Variants in FRMD3 observed in about 807,000 individuals in gnomAD.
FRMD3 encodes the protein FERM domain containing 3.
Under a neutral mutation model 70.2 loss-of-function variants are expected in FRMD3, and 33 were observed. That is an observed-to-expected ratio of 0.47 (90% CI 0.36 to 0.63). The LOEUF is 0.63. Ranked by LOEUF, FRMD3 falls within the 20% of genes least tolerant of loss-of-function variation. The pLI is 0.00. For synonymous variants in FRMD3, 279 were observed against 255.9 expected (o/e 1.09, Z -0.86); for missense variants, 632 against 711.4 (o/e 0.89, Z 1.27).
At chr9:83,452,848 C>CTTTTTT (rs11346596) in intron 1 of FRMD3, among the ~76,000 whole-genome samples, 6 of 72,362 alleles carry the variant, frequency 8.3e-5, no homozygotes, top group Admixed American at 1.9e-4. Flanking sequence ...TTTTTATTGC[C>CTTTTTT]TTTTTTTTTT....
intron 1 of FRMD3, among the ~76,000 whole-genome samples, chr9:83,505,058 A>G (rs1035411083): frequency 6.6e-6 from 1 of 152,090 alleles, no homozygotes; most frequent in African/African-American, 2.4e-5. Flanking sequence ...ATGTTCATGC[A>G]TTTACTCTGT....
chr9:83,363,223 GTTC>G (rs1293986846), intron 3 of FRMD3, among the ~76,000 whole-genome samples: 4 of 152,002 alleles, frequency 2.6e-5, no homozygotes, highest in Non-Finnish European at 4.4e-5. Flanking sequence ...CATCTTTCCA[GTTC>G]TTCTTCTACA....
chr9:83,471,109 G>T (rs1481155950), intron 1 of FRMD3, among the ~76,000 whole-genome samples: 1 of 152,176 alleles, frequency 6.6e-6, no homozygotes, highest in Non-Finnish European at 1.5e-5. Context: ...TCTGCCTCTA[G>T]ACAGGTGAGA....
At chr9:83,432,296 C>T (rs919118150) in intron 1 of FRMD3, among the ~76,000 whole-genome samples, 3 of 152,200 alleles carry the variant, frequency 2.0e-5, no homozygotes, top group Admixed American at 1.3e-4. Context: ...TCTGGCCTTG[C>T]CACTGAGCCA....
intron 1 of FRMD3, among the ~76,000 whole-genome samples, chr9:83,457,292 T>A (rs1306102412): frequency 1.3e-5 from 2 of 152,160 alleles, no homozygotes; most frequent in Non-Finnish European, 2.9e-5. Flanking sequence ...ACACTATAGA[T>A]GAGTGGCTGA....
chr9:83,293,069 G>A (rs74749721), intron 12 of FRMD3, among the ~76,000 whole-genome samples: 2,765 of 152,298 alleles, frequency 0.018, 79 homozygotes, highest in African/African-American at 0.063. Flanking sequence ...TGAGGAGAGA[G>A]CCAGGAGTGA....
the FRMD3 span, among the ~76,000 whole-genome samples, chr9:83,551,865 G>A: frequency 5.3e-5 from 8 of 149,882 alleles, no homozygotes; most frequent in Non-Finnish European, 1.2e-4. Context: ...TCTTCTCTTC[G>A]CTTCTTAATT....
intron 3 of FRMD3, among the ~76,000 whole-genome samples, chr9:83,359,212 A>C (rs1381519726): frequency 6.6e-6 from 1 of 152,122 alleles, no homozygotes; most frequent in Non-Finnish European, 1.5e-5. Context: ...AGGCATGCCC[A>C]CCCACACTCG....
At chr9:83,283,777 C>T (rs1235177401) in intron 13 of FRMD3, among the ~76,000 whole-genome samples, 5 of 151,978 alleles carry the variant, frequency 3.3e-5, no homozygotes, top group Admixed American at 6.6e-5. Flanking sequence ...GTGTGCAATG[C>T]GAAAATGATG....
rs764217826 is a variant in FRMD3, at chr9:83,497,294, T to C, written c.147+40791A>G. ...TAACTTTTTTATTTATGAGCACCTG[T>C]GCCCAAAAGATCTCAAGGTAAATTA... is the stretch of plus-strand genomic sequence containing the variant. On this transcript the variant is annotated intron_variant, in intron 1 of 13. Coordinates refer to ENST00000304195, the MANE Select transcript of FRMD3 (RefSeq NM_174938.6). 9.3e-4 allele frequency among the ~76,000 whole-genome samples: 142 copies of C among 152,300 alleles called. 4 individuals carry two copies. The Middle Eastern group carries it at 0.02, about 22-fold the overall frequency.
At chr9:83,517,494 CAA>C (rs59178344) in intron 1 of FRMD3, among the ~76,000 whole-genome samples, 1,173 of 65,674 alleles carry the variant, frequency 0.018, 11 homozygotes, top group African/African-American at 0.062. Context: ...CCTACCAATC[CAA>C]AAAAAAAAAA....
At chr9:83,346,735 C>T (rs1054055384) in intron 4 of FRMD3, among the ~76,000 whole-genome samples, 1 of 152,164 alleles carries the variant, frequency 6.6e-6, no homozygotes, top group Non-Finnish European at 1.5e-5. Context: ...ATTTGGCATG[C>T]TTCAGAATTA....
intron 2 of FRMD3, among the ~76,000 whole-genome samples, chr9:83,388,457 T>C (rs1825572756): frequency 6.6e-6 from 1 of 152,172 alleles, no homozygotes; most frequent in East Asian, 1.9e-4. Context: ...GACCCAAGTG[T>C]GTACTGAGCC....
the FRMD3 span, among the ~76,000 whole-genome samples, chr9:83,562,897 C>A: frequency 2.1e-4 from 32 of 151,748 alleles, no homozygotes; most frequent in Non-Finnish European, 3.8e-4. Context: ...CAATGCCCCC[C>A]CCCCAGCACA....
chr9:83,556,511 ATTAAT>A, the FRMD3 span, among the ~76,000 whole-genome samples: 5 of 152,148 alleles, frequency 3.3e-5, no homozygotes, highest in Non-Finnish European at 7.4e-5. Flanking sequence ...TTCTTTCCTA[ATTAAT>A]TTGCTCTTTT....
At chr9:83,385,151 A>G (rs1825475605) in intron 2 of FRMD3, among the ~76,000 whole-genome samples, 1 of 151,558 alleles carries the variant, frequency 6.6e-6, no homozygotes, top group Non-Finnish European at 1.5e-5. Context: ...TTACCCAAAT[A>G]CCTGAGCAGA....
chr9:83,516,251 TC>T (rs1564113058), intron 1 of FRMD3, among the ~76,000 whole-genome samples: 1 of 147,258 alleles, frequency 6.8e-6, no homozygotes, highest in Non-Finnish European at 1.5e-5. Context: ...ACACATAGGC[TC>T]AAAATAAAGG....
At chr9:83,377,596 T>C (rs1239690252) in intron 2 of FRMD3, among the ~76,000 whole-genome samples, 1 of 152,078 alleles carries the variant, frequency 6.6e-6, no homozygotes, top group African/African-American at 2.4e-5. Flanking sequence ...CAAGATCTGG[T>C]CATGTAAAAG....
At chr9:83,542,833 A>G (rs1468350707), upstream of FRMD3, among the ~76,000 whole-genome samples, 1 of 150,948 alleles carries the variant, frequency 6.6e-6, no homozygotes, top group Non-Finnish European at 1.5e-5. Flanking sequence ...CAAAGAAGCA[A>G]AGTCAGTCCA....
Sources: allele counts gnomAD v4.1 joint callset (sites outside exome capture counted in the v4.1 genomes callset), GRCh38; gene constraint gnomAD v4.1.1; transcripts MANE v1.5; gene names NCBI Gene and HGNC (gene_info 2026-07-23, HGNC 2026-07-21).